C17orf75: variants seen among roughly 807,000 people sequenced by gnomAD.
The protein encoded by C17orf75 is protein Njmu-R1.
In C17orf75, 32 loss-of-function variants were observed where a neutral mutation model predicts 49.6. The observed-to-expected ratio is 0.65, with a 90% CI of 0.49 to 0.87. The LOEUF (loss-of-function observed/expected upper bound fraction) is 0.87, where lower values mean the gene tolerates loss of function less well. C17orf75 is among the 40% of genes least tolerant of loss of function. The pLI, the probability that C17orf75 is intolerant of heterozygous loss-of-function variation, is 0.00. For synonymous variants in C17orf75, 158 were observed against 159.5 expected, an observed-to-expected ratio of 0.99 and a Z score of 0.07; for missense variants, 428 against 473.9, an observed-to-expected ratio of 0.90 and a Z score of 0.90.
At chr17:32,336,542 A>G (rs1157677519) in intron 5 of C17orf75, among the ~76,000 whole-genome samples, 1 of 152,182 alleles carries the variant, frequency 6.6e-6, no homozygotes, top group Non-Finnish European at 1.5e-5. Context: ...ATAAGTTGAT[A>G]TGGATATGCC....
Position 32,334,595 on chromosome 17 carries a change from C to T in C17orf75, c.745G>A (p.Val249Met). The T allele has an allele frequency of 6.2e-7, 1 of 1,611,712 alleles. No homozygotes were observed. Among genetic ancestry groups the T allele is most frequent in the Admixed American group, 1.7e-5 (1 of 59,746 alleles). The change falls in exon 8 of 10, where the codon GTG becomes ATG. Residue 249 changes from valine to methionine, a missense_variant. By Grantham distance (21) the Val-to-Met change is conservative. Transcript: ENST00000577809. Reference protein sequence around the residue: ...TKRDINRFLSVASLQGLIHEG... With the variant: ...TKRDINRFLSMASLQGLIHEG... ...TGAATAAGTCCTTGAAGACTGGCCA[C>T]ACTCAGAAACCTGCCACACACACAA...
chr17:32,332,920 G>A (rs548459026), intron 9 of C17orf75, among the ~76,000 whole-genome samples: 139 of 151,894 alleles, frequency 9.2e-4, no homozygotes, highest in African/African-American at 3.1e-3. Flanking sequence ...AGCAATTTTC[G>A]TGCCTCAGCC....
upstream of C17orf75, among the ~76,000 whole-genome samples, chr17:32,344,626 C>T (rs1299967829): frequency 4.9e-5 from 7 of 141,686 alleles, no homozygotes; most frequent in South Asian, 2.3e-4. Context: ...GAAACTAATA[C>T]GGCCGGGCGT....
At chr17:32,345,697 G>A (rs1011890225), upstream of C17orf75, among the ~76,000 whole-genome samples, 1 of 152,106 alleles carries the variant, frequency 6.6e-6, no homozygotes, top group Non-Finnish European at 1.5e-5. Flanking sequence ...GGGCGTGGTG[G>A]CGCATGCCTG....
At chr17:32,338,387 G>C (rs1386655144) in intron 3 of C17orf75, 36 bp from the exon 4 acceptor site, 1 of 1,587,292 alleles carries the variant, frequency 6.3e-7, no homozygotes, top group Non-Finnish European at 8.6e-7. Flanking sequence ...GCATTATTTT[G>C]GTTACTCATG....
chr17:32,347,816 C>A (rs183367173), intron 1 of C17orf75, among the ~76,000 whole-genome samples: 3 of 152,242 alleles, frequency 2.0e-5, no homozygotes, highest in Non-Finnish European at 4.4e-5. Context: ...TTGGTGATTA[C>A]GTTTCAAGCA....
Position 32,330,831 on chromosome 17 carries a change from C to CA in C17orf75, c.*931dup, listed in dbSNP as rs1031645922. 3 of 152,210 alleles carry CA rather than the reference C, an allele frequency of 2.0e-5. No individual in the cohort carries two copies. Among genetic ancestry groups the CA allele is most frequent in the Non-Finnish European group, 4.4e-5 (3 of 68,014 alleles). 9.4% of individuals were successfully genotyped at this position (152,210 alleles called of 1,614,324 possible). ...AAATGGTGACTGAAGGCGATTTCTG[C>CA]AGTAGCTTTCTCTCAGAGATAATTA... is the stretch of plus-strand genomic sequence containing the variant. On this transcript the variant is annotated 3_prime_UTR_variant, in exon 10 of 10. Transcript: ENST00000577809.
chr17:32,338,285 T>A lies in C17orf75; in HGVS notation c.414A>T (p.Thr138=). 6.2e-7 allele frequency: 1 copy of A among 1,612,670 alleles called. No homozygotes were observed. Among genetic ancestry groups the A allele is most frequent in the Non-Finnish European group, 8.5e-7 (1 of 1,179,538 alleles). Reference sequence around the variant, plus strand: ...GGTTACGTTCAGAGTCTATCGTTACTGTTTCAGGAAGCAGTTTTTCATTTT... The same window carrying A: ...GGTTACGTTCAGAGTCTATCGTTACAGTTTCAGGAAGCAGTTTTTCATTTT... ...LFQNEKLLPE[T]VTIDSERNPS... The change falls in exon 4 of 10, where the codon ACA becomes ACT. Residue 138 remains threonine (T), a synonymous_variant. Transcript: ENST00000577809.
chr17:32,331,569 C>G lies in C17orf75; in HGVS notation c.*194G>C. 1 of 532,304 alleles carries G rather than the reference C, an allele frequency of 1.9e-6. No individual in the cohort carries two copies. 33.0% of individuals were successfully genotyped at this position (532,304 alleles called of 1,614,324 possible). On this transcript the variant is annotated 3_prime_UTR_variant, in exon 10 of 10. Transcript: ENST00000577809. Reference sequence around the variant, plus strand: ...ACTAAAATTTCACAACTCTCACATACATTATCTATCTAGGACTCAGTGAAG... The same window carrying G: ...ACTAAAATTTCACAACTCTCACATAGATTATCTATCTAGGACTCAGTGAAG...
rs2041257532 is a variant in C17orf75, at chr17:32,329,469, G to A, written c.*2294C>T. On this transcript the variant is annotated 3_prime_UTR_variant, in exon 10 of 10. Transcript: ENST00000577809. ...GCTTGAGTCCAAGAGTTTAAGACCA[G>A]TCTGAGCAACATAGTGAGACCCCAT... is the stretch of plus-strand genomic sequence containing the variant. The A allele has an allele frequency of 2.0e-5, 3 of 151,032 alleles. No homozygotes were observed. Among genetic ancestry groups the A allele is most frequent in the African/African-American group, 7.3e-5 (3 of 40,982 alleles). The allele number at this position is 151,032 out of a possible 1,614,324, so 9.4% of individuals were successfully genotyped here.
chr17:32,342,315 C>A, upstream of C17orf75: 1 of 1,076,294 alleles, frequency 9.3e-7, no homozygotes. Context: ...CCCACAGGGG[C>A]TGACAGGCGT....
intron 2 of C17orf75, 112 bp downstream of exon 2, chr17:32,341,092 C>A: frequency 1.8e-6 from 2 of 1,128,780 alleles, no homozygotes; most frequent in Admixed American, 1.8e-5. Context: ...GAGGAATTGA[C>A]GGTTTGACTC....
At position 32,330,956 on chromosome 17, in the gene C17orf75, T is replaced by A. The variant is rs1027567887; in HGVS notation, c.*807A>T. On this transcript the variant is annotated 3_prime_UTR_variant, in exon 10 of 10. Coordinates refer to ENST00000577809, the MANE Select transcript of C17orf75 (RefSeq NM_022344.4). ...GCTCCACCTCCTGGGTTCACGCCAC[T>A]CTCCTGCCTCAGCCTCCAGAGTAGC... The A allele has an allele frequency of 6.6e-6, 1 of 152,078 alleles. No individual in the cohort carries two copies. Among genetic ancestry groups the A allele is most frequent in the Non-Finnish European group, 1.5e-5 (1 of 68,058 alleles). The allele number at this position is 152,078 out of a possible 1,614,324, so 9.4% of individuals were successfully genotyped here.
At chr17:32,338,422 T>G in intron 3 of C17orf75, 71 bp from the exon 4 acceptor site, 1 of 1,427,620 alleles carries the variant, frequency 7.0e-7, no homozygotes, top group Admixed American at 2.5e-5. Context: ...TGGACTGCTC[T>G]GAATTCTGGT....
chr17:32,349,101 A>G (rs2041456409), intron 1 of C17orf75, among the ~76,000 whole-genome samples: 1 of 151,660 alleles, frequency 6.6e-6, no homozygotes, highest in African/African-American at 2.4e-5. Context: ...CCTGACCTCA[A>G]GTGATCCGCC....
In C17orf75 at chr17:32,340,961, G is replaced by GA. The variant is rs199826176; in HGVS notation, c.221+242dup. On this transcript the variant is annotated intron_variant, in intron 2 of 9. Transcript: ENST00000577809. The stretch of plus-strand genomic sequence containing the variant: ...CCCTGTCTCAATTTAAAAGGAAAAA[G>GA]AAAAAAAAAGGATTTCTTTTTGGCT... 3,859 of 501,170 alleles carry GA rather than the reference G, an allele frequency of 7.7e-3. 78 individuals are homozygous for GA. Among genetic ancestry groups the GA allele is most frequent in the African/African-American group, 0.054 (2,743 of 51,118 alleles). 31.0% of individuals were successfully genotyped at this position (501,170 alleles called of 1,614,324 possible).
chr17:32,339,451 G>A (rs762388514), intron 3 of C17orf75, among the ~76,000 whole-genome samples: 4 of 150,950 alleles, frequency 2.6e-5, no homozygotes, highest in Admixed American at 6.6e-5. Context: ...GCTGGGCATC[G>A]TAGTGCCTGC....
chr17:32,334,907 T>A, intron 6 of C17orf75, 68 bp from the exon 7 acceptor site: 2 of 1,289,252 alleles, frequency 1.6e-6, no homozygotes, highest in Non-Finnish European at 2.2e-6. Flanking sequence ...TACTCATGAC[T>A]AAATGTCCCC....
exon 1 of C17orf75, chr17:32,349,974 A>T (rs937391366): frequency 5.0e-6 from 6 of 1,210,970 alleles, no homozygotes; most frequent in African/African-American, 4.6e-5. Flanking sequence ...AATGAAACCC[A>T]AAGTGCTCCG....
Sources: gnomAD v4.1 joint callset for allele counts (sites outside exome capture counted in the v4.1 genomes callset) on GRCh38, gnomAD v4.1.1 for gene constraint, MANE v1.5 for transcripts, NCBI Gene and HGNC (gene_info 2026-07-23, HGNC 2026-07-21) for gene names.